PXDNL: variants seen among roughly 807,000 people sequenced by gnomAD.
PXDNL encodes the protein peroxidasin like.
Under a neutral mutation model 150.8 loss-of-function variants are expected in PXDNL, and 145 were observed. That is an observed-to-expected ratio of 0.96 (90% CI 0.84 to 1.10). PXDNL has a LOEUF of 1.10. PXDNL is among the 50% of genes least tolerant of loss of function. The pLI is 0.00. For synonymous variants in PXDNL, 757 were observed against 725.7 expected, an observed-to-expected ratio of 1.04 and a Z score of -0.69; for missense variants, 2,087 against 1,873.9, an observed-to-expected ratio of 1.11 and a Z score of -2.10.
rs541592476 is a variant in PXDNL at position 51,746,654 on chromosome 8, T to C, written c.164+62527A>G. Among the ~76,000 whole-genome samples the C allele has an allele frequency of 2.0e-4, 31 of 152,338 alleles. No homozygotes were observed. The East Asian group carries it at 4.8e-3, about 24-fold the overall frequency. On this transcript the variant is annotated intron_variant, in intron 1 of 22. Transcript: ENST00000356297. ...ATTAAGGAGGTGGATAGGTGAACTT[T>C]TATTATCTACTTTGTAAGCTCCAGT...
intron 10 of PXDNL, among the ~76,000 whole-genome samples, chr8:51,451,545 G>A (rs1235741990): frequency 6.6e-6 from 1 of 152,166 alleles, no homozygotes; most frequent in Non-Finnish European, 1.5e-5. Context: ...ACTCATTAAG[G>A]TGCTGCCTCA....
intron 4 of PXDNL, among the ~76,000 whole-genome samples, chr8:51,510,521 C>T (rs1008057784): frequency 6.6e-6 from 1 of 152,132 alleles, no homozygotes; most frequent in African/African-American, 2.4e-5. Flanking sequence ...ATCTAAAGCA[C>T]AGCAGGGGCA....
chr8:51,803,381 CAAAA>C (rs780860293), intron 1 of PXDNL, among the ~76,000 whole-genome samples: 1 of 152,072 alleles, frequency 6.6e-6, no homozygotes, highest in African/African-American at 2.4e-5. Flanking sequence ...GCCTACCACA[CAAAA>C]AAACTCTCCC....
chr8:51,597,962 C>T (rs868745994), intron 2 of PXDNL, among the ~76,000 whole-genome samples: 1 of 152,266 alleles, frequency 6.6e-6, no homozygotes, highest in African/African-American at 2.4e-5. Context: ...GATCCATCTG[C>T]CTTGGCCTCC....
intron 3 of PXDNL, among the ~76,000 whole-genome samples, chr8:51,566,128 A>AC (rs1386137251): frequency 1.3e-5 from 2 of 151,812 alleles, no homozygotes; most frequent in African/African-American, 4.8e-5. Flanking sequence ...CAAATGTTGA[A>AC]CCACCTTTGT....
chr8:51,711,602 G>A (rs1287800900), intron 1 of PXDNL, among the ~76,000 whole-genome samples: 1 of 152,220 alleles, frequency 6.6e-6, no homozygotes, highest in Non-Finnish European at 1.5e-5. Context: ...GAACCAGAGA[G>A]CTATGAGTTC....
intron 12 of PXDNL, among the ~76,000 whole-genome samples, chr8:51,434,167 A>G (rs1195990468): frequency 6.6e-6 from 1 of 152,190 alleles, no homozygotes; most frequent in Non-Finnish European, 1.5e-5. Context: ...ATATAATATT[A>G]GATTTACAGT....
At chr8:51,608,054 A>AAAGAAAGAAAGAAAGCAAGCAAGC (rs1554557536) in intron 2 of PXDNL, among the ~76,000 whole-genome samples, 12 of 111,702 alleles carry the variant, frequency 1.1e-4, no homozygotes, top group Non-Finnish European at 1.1e-4. Context: ...AGAAAGAAAG[A>AAAGAAAGAAAGAAAGCAAGCAAGC]AAGCAAGCAA....
intron 13 of PXDNL, among the ~76,000 whole-genome samples, chr8:51,425,344 A>G (rs1260324550): frequency 1.3e-5 from 2 of 152,164 alleles, no homozygotes; most frequent in Non-Finnish European, 2.9e-5. Flanking sequence ...TCAGCACTCA[A>G]TCAGTTTGTG....
intron 3 of PXDNL, among the ~76,000 whole-genome samples, chr8:51,571,034 T>C (rs1193505841): frequency 6.6e-6 from 1 of 151,728 alleles, no homozygotes; most frequent in African/African-American, 2.4e-5. Flanking sequence ...TCCAAAGATC[T>C]TAAACAGTAA....
chr8:51,372,828 CACATTCAATTTTAAATGAAAGGAT>C (rs1438875429), intron 18 of PXDNL, among the ~76,000 whole-genome samples: 1 of 152,156 alleles, frequency 6.6e-6, no homozygotes, highest in African/African-American at 2.4e-5. Context: ...CTAGAATAAG[CACATTCAATTTTAAATGAAAGGAT>C]ACAATCAATT....
chr8:51,375,298 G>A (rs996640676), intron 17 of PXDNL, among the ~76,000 whole-genome samples: 1 of 152,068 alleles, frequency 6.6e-6, no homozygotes, highest in African/African-American at 2.4e-5. Context: ...AAACAAAAAA[G>A]CACAATGCAA....
intron 18 of PXDNL, among the ~76,000 whole-genome samples, chr8:51,373,804 G>C (rs1807210249): frequency 6.6e-6 from 1 of 152,084 alleles, no homozygotes; most frequent in African/African-American, 2.4e-5. Context: ...TCAACACTAA[G>C]CTTCACTAAT....
chr8:51,411,528 A>T (rs2130898085), intron 15 of PXDNL, 121 bp from the exon 16 acceptor site: 1 of 859,018 alleles, frequency 1.2e-6, no homozygotes, highest in African/African-American at 1.8e-5. Context: ...AAGCTCCACC[A>T]CTACAATAGA....
At chr8:51,550,879 G>A (rs145729304) in intron 4 of PXDNL, among the ~76,000 whole-genome samples, 45 of 152,148 alleles carry the variant, frequency 3.0e-4, no homozygotes, top group East Asian at 1.7e-3. Flanking sequence ...TCAAACTGTC[G>A]TTGTTCACCA....
At chr8:51,705,854 T>C (rs1295783370) in intron 1 of PXDNL, among the ~76,000 whole-genome samples, 1 of 143,464 alleles carries the variant, frequency 7.0e-6, no homozygotes, top group Admixed American at 6.9e-5. Context: ...CGCGCGCGCG[T>C]GCATGCACAT....
intron 1 of PXDNL, among the ~76,000 whole-genome samples, chr8:51,755,684 A>G (rs1739737481): frequency 6.6e-6 from 1 of 152,226 alleles, no homozygotes; most frequent in African/African-American, 2.4e-5. Context: ...GTTCATCTAT[A>G]TATTTCATAA....
chr8:51,614,776 T>C (rs1317723147), intron 2 of PXDNL, among the ~76,000 whole-genome samples: 1 of 151,724 alleles, frequency 6.6e-6, no homozygotes, highest in Non-Finnish European at 1.5e-5. Flanking sequence ...AAGAAAAACT[T>C]AAATGTTTCC....
At chr8:51,455,071 T>G (rs1809902881) in intron 9 of PXDNL, among the ~76,000 whole-genome samples, 1 of 72,468 alleles carries the variant, frequency 1.4e-5, no homozygotes, top group South Asian at 5.1e-4. Context: ...ATTGCGCCAC[T>G]GCAGTCCGCA....
Sources: allele counts gnomAD v4.1 joint callset (sites outside exome capture counted in the v4.1 genomes callset), GRCh38; gene constraint gnomAD v4.1.1; transcripts MANE v1.5; gene names NCBI Gene and HGNC (gene_info 2026-07-23, HGNC 2026-07-21).